The following PPM1M variants were observed in gnomAD, a reference collection of about 807,000 sequenced individuals.
The protein encoded by PPM1M is protein phosphatase 1M.
PPM1M carries 44 observed loss-of-function variants against 50.8 expected under a neutral mutation model. That is an observed-to-expected ratio of 0.87 (90% confidence interval 0.68 to 1.11). The LOEUF (loss-of-function observed/expected upper bound fraction) is 1.11, where lower values mean the gene tolerates loss of function less well. PPM1M is among the 50% of genes most tolerant of loss of function. The probability of loss-of-function intolerance (pLI) is 0.00; values close to 1 mark genes in which losing one functional copy is unlikely to be tolerated. For missense variants in PPM1M, 556 were observed against 593.4 expected (o/e 0.94, Z 0.66); for synonymous variants, 224 against 242.9 (o/e 0.92, Z 0.72).
rs1699886361 is a variant in PPM1M, at chr3:52,247,788, A to G, written c.704A>G (p.Asp235Gly). The change falls in exon 4 of 10, where the codon GAT (aspartate) becomes GGT (glycine). Residue 235 changes from aspartate (D) to glycine (G), a missense_variant. Coordinates refer to ENST00000323588, the MANE Select transcript of PPM1M (RefSeq NM_144641.4). ...AAGCTGTACATGGCCAATGCTGGGGATAGCAGGTGAGTCACCCCTTGGAGG... is the reference window on the plus strand; with the variant it reads ...AAGCTGTACATGGCCAATGCTGGGGGTAGCAGGTGAGTCACCCCTTGGAGG... ...QGKLYMANAG[D>G]SRAILVRRDE... The G allele has an allele frequency of 8.5e-7, 1 of 1,181,322 alleles. No individual in the cohort carries two copies. The highest frequency in any genetic ancestry group is 4.5e-5 in the East Asian group (1 of 22,106). The allele number at this position is 1,181,322 out of a possible 1,614,324, so 73.2% of individuals were successfully genotyped here.
At chr3:52,248,906 T>C (rs926356237) in intron 7 of PPM1M, 50 bp from the exon 8 acceptor site, 17 of 1,435,980 alleles carry the variant, frequency 1.2e-5, no homozygotes, top group Non-Finnish European at 1.5e-5. Flanking sequence ...CTGGTACTTG[T>C]GCATTTGCTG....
chr3:52,247,152 C>A lies in PPM1M; in HGVS notation c.521C>A (p.Pro174His). 6.2e-7 allele frequency: 1 copy of A among 1,612,702 alleles called. No homozygotes were observed. The highest frequency in any genetic ancestry group is 8.5e-7 in the Non-Finnish European group (1 of 1,179,380). The change falls in exon 3 of 10, where the codon CCT becomes CAT. Residue 174 changes from proline (P) to histidine (H), a missense_variant. Transcript: ENST00000323588. ...LNGRCICPSD[P>H]QFVEEKGIRA... The stretch of plus-strand genomic sequence containing the variant: ...GGCCGCTGCATCTGCCCCAGTGACC[C>A]TCAGTTTGTGGAGGAAAAGGGCATC...
Position 52,246,739 on chromosome 3 carries a change from C to A in PPM1M, c.269C>A (p.Ala90Asp). ...EKSEFNEDQA[A>D]CGKLCIRRCE... ...TCTGAATTCAATGAGGATCAAGCCG[C>A]CTGTGGGAAGCTGTGCATCCGGAGA... The change falls in exon 2 of 10, where the codon GCC becomes GAC. Residue 90 changes from alanine to aspartate, a missense_variant. Ala to Asp is a moderately radical substitution (Grantham distance 126, BLOSUM62 -2). Coordinates refer to ENST00000323588, the MANE Select transcript of PPM1M (RefSeq NM_144641.4). 7.5e-7 allele frequency: 1 copy of A among 1,324,826 alleles called. No homozygotes were observed. The allele number at this position is 1,324,826 out of a possible 1,614,324, so 82.1% of individuals were successfully genotyped here.
At position 52,248,661 on chromosome 3, in the gene PPM1M, GGATCTCAAGTACCCACT is replaced by G. The variant is rs749653157; in HGVS notation, c.944_960del (p.Leu315ProfsTer5). 6.2e-7 allele frequency: 1 copy of G among 1,613,862 alleles called. No homozygotes were observed. Among genetic ancestry groups the G allele is most frequent in the Non-Finnish European group, 8.5e-7 (1 of 1,179,844 alleles). ...GGAGCTACAAACGTGTGGAGAAATC[GGATCTCAAGTACCCACT>G]GATCCATGGACAGGGTAGGCAGGTC... On this transcript the variant is annotated frameshift_variant, in exon 7 of 10. Transcript: ENST00000323588. LOFTEE classifies it high-confidence loss of function.
chr3:52,248,098 C>A, intron 4 of PPM1M, 55 bp from the exon 5 acceptor site: 1 of 1,471,442 alleles, frequency 6.8e-7, no homozygotes, highest in Non-Finnish European at 9.3e-7. Context: ...GGAGGGTGGC[C>A]ATGGGTGAGG....
intron 9 of PPM1M, 94 bp downstream of exon 9, chr3:52,249,416 G>A: frequency 6.8e-7 from 1 of 1,475,446 alleles, no homozygotes; most frequent in Non-Finnish European, 9.3e-7. Context: ...CTGACAATGA[G>A]CTGGCAGCTG....
At chr3:52,246,411 T>A in intron 1 of PPM1M, 2 of 1,070,052 alleles carry the variant, frequency 1.9e-6, no homozygotes, top group Non-Finnish European at 2.4e-6. Context: ...GGACAGGGCT[T>A]TGGGCTGCGA....
At chr3:52,246,446 C>T in intron 1 of PPM1M, 15 of 856,344 alleles carry the variant, frequency 1.8e-5, no homozygotes, top group Middle Eastern at 5.1e-4. Context: ...GAATGGCAAC[C>T]TACCCTTACC....
chr3:52,246,920 AG>A, intron 2 of PPM1M, 53 bp from the exon 3 acceptor site: 1 of 1,522,226 alleles, frequency 6.6e-7, no homozygotes, highest in Non-Finnish European at 8.8e-7. Context: ...AGGTTGCGTC[AG>A]GGGACAAGTG....
Position 52,246,612 on chromosome 3 carries a change from T to C in PPM1M, c.225-83T>C. 3.5e-6 allele frequency: 3 copies of C among 862,572 alleles called. No homozygotes were observed. The South Asian group carries it at 4.3e-5, about 12-fold the overall frequency. The allele number at this position is 862,572 out of a possible 1,614,324, so 53.4% of individuals were successfully genotyped here. ...GCTGTTGCCCCAGAGGGAGGGGTCT[T>C]CTCCCTGTGCTGGCTTGGGTCCCTG... On this transcript the variant is annotated intron_variant, in intron 1 of 9. Transcript: ENST00000323588.
At position 52,245,939 on chromosome 3, in the gene PPM1M, GGCTCCA is replaced by G. The variant is rs1315005798; in HGVS notation, c.124_129del (p.Ser42_Ser43del). ...CTACCGACGGCCCCGCTTCCTTCGC[GGCTCCA>G]GCTCCAGCCCCGGGGCGGCCGACGC... On this transcript the variant is annotated inframe_deletion, in exon 1 of 10. Transcript: ENST00000323588. The surrounding 1 kb of genome is among the most constrained non-coding windows in gnomAD (Gnocchi z 4.8). 1 of 1,241,736 alleles carries G rather than the reference GGCTCCA, an allele frequency of 8.1e-7. No homozygotes were observed. The allele number at this position is 1,241,736 out of a possible 1,614,324, so 76.9% of individuals were successfully genotyped here.
At chr3:52,249,403 G>T in intron 9 of PPM1M, 81 bp downstream of exon 9, 2 of 1,514,614 alleles carry the variant, frequency 1.3e-6, no homozygotes, top group Non-Finnish European at 1.8e-6. Flanking sequence ...AGAAGACAGA[G>T]CACTGACAAT....
intron 2 of PPM1M, 21 bp from the exon 3 acceptor site, chr3:52,246,953 C>T (rs1037253816): frequency 8.5e-6 from 13 of 1,530,122 alleles, no homozygotes; most frequent in South Asian, 1.2e-5. Flanking sequence ...CAGAGGCTGA[C>T]ACTGAGCCCT....
Position 52,245,912 on chromosome 3 carries a change from C to A in PPM1M, c.88C>A (p.Pro30Thr). The change falls in exon 1 of 10, where the codon CCC (proline) becomes ACC (threonine). Residue 30 changes from proline (P) to threonine (T), a missense_variant. Transcript: ENST00000323588. The surrounding 1 kb of genome is among the most constrained non-coding windows in gnomAD (Gnocchi z 4.8). ...RPPGPHASPVPYRRPRFLRGS... is the reference protein window; with the variant it reads ...RPPGPHASPVTYRRPRFLRGS... ...GCCTGGGCCGCATGCCAGCCCCGTG[C>A]CCTACCGACGGCCCCGCTTCCTTCG... 1 of 1,229,912 alleles carries A rather than the reference C, an allele frequency of 8.1e-7. No individual in the cohort carries two copies. The highest frequency in any genetic ancestry group is 1.0e-6 in the Non-Finnish European group (1 of 961,334). The allele number at this position is 1,229,912 out of a possible 1,614,324, so 76.2% of individuals were successfully genotyped here.
chr3:52,247,191 TG>T lies in PPM1M; in HGVS notation c.562del (p.Val188Ter). On this transcript the variant is annotated frameshift_variant, in exon 3 of 10. Transcript: ENST00000323588. LOFTEE classifies it high-confidence loss of function. Reference sequence around the variant, plus strand: ...GAAAAGGGCATCAGGGCAGAAGACTTGGTGATCGGGGCATTGGAGAGTGCCT... The same window carrying T: ...GAAAAGGGCATCAGGGCAGAAGACTTGTGATCGGGGCATTGGAGAGTGCCT... The part of the protein sequence containing the change: ...VEEKGIRAED[L>X]VIGALESAFQ... 1 of 1,613,344 alleles carries T rather than the reference TG, an allele frequency of 6.2e-7. No individual in the cohort carries two copies. The highest frequency in any genetic ancestry group is 1.1e-5 in the South Asian group (1 of 90,864).
In PPM1M at chr3:52,246,752, G is replaced by A; in HGVS notation, c.282G>A (p.Leu94=). 7.5e-7 allele frequency: 1 copy of A among 1,334,526 alleles called. No individual in the cohort carries two copies. Among genetic ancestry groups the A allele is most frequent in the Non-Finnish European group, 9.9e-7 (1 of 1,009,066 alleles). 82.7% of individuals were successfully genotyped at this position (1,334,526 alleles called of 1,614,324 possible). A position where few individuals can be genotyped will look rare whatever the true frequency, so the allele number is the denominator to read the frequency against. The change falls in exon 2 of 10, where the codon CTG becomes CTA. Residue 94 remains leucine, a synonymous_variant. Coordinates refer to ENST00000323588, the MANE Select transcript of PPM1M (RefSeq NM_144641.4). The part of the protein sequence containing the change: ...FNEDQAACGK[L]CIRRCEFGAE... ...AGGATCAAGCCGCCTGTGGGAAGCT[G>A]TGCATCCGGAGATGTGAGTTTGGGG...
chr3:52,245,855 C>G lies in PPM1M; in HGVS notation c.31C>G (p.Leu11Val), dbSNP rs1699845716. The change falls in exon 1 of 10, where the codon CTG becomes GTG. Residue 11 changes from leucine (L) to valine (V), a missense_variant. Coordinates refer to ENST00000323588, the MANE Select transcript of PPM1M (RefSeq NM_144641.4). The surrounding 1 kb of genome is among the most constrained non-coding windows in gnomAD (Gnocchi z 4.8). MSAGWFRRRF[L>V]PGEPLPAPRP... Reference sequence around the variant, plus strand: ...CGCCGGCTGGTTCCGGCGCCGCTTCCTGCCTGGGGAGCCGCTCCCCGCGCC... The same window carrying G: ...CGCCGGCTGGTTCCGGCGCCGCTTCGTGCCTGGGGAGCCGCTCCCCGCGCC... 9.2e-7 allele frequency: 1 copy of G among 1,085,016 alleles called. No individual in the cohort carries two copies. Among genetic ancestry groups the G allele is most frequent in the Non-Finnish European group, 1.1e-6 (1 of 884,934 alleles). 67.2% of individuals were successfully genotyped at this position (1,085,016 alleles called of 1,614,324 possible). A position where few individuals can be genotyped will look rare whatever the true frequency, so the allele number is the denominator to read the frequency against.
chr3:52,249,378 A>C, intron 9 of PPM1M, 56 bp downstream of exon 9: 1 of 1,549,756 alleles, frequency 6.5e-7, no homozygotes, highest in Non-Finnish European at 8.7e-7. Context: ...CAGCAAGCCC[A>C]AGTAGTTATG....
rs1181926774 is a variant in PPM1M, at chr3:52,245,960, G to C, written c.136G>C (p.Ala46Pro). The C allele has an allele frequency of 3.2e-6, 4 of 1,248,976 alleles. No homozygotes were observed. Among genetic ancestry groups the C allele is most frequent in the African/African-American group, 3.2e-5 (2 of 61,882 alleles). 77.4% of individuals were successfully genotyped at this position (1,248,976 alleles called of 1,614,324 possible). ...FLRGSSSSPGAADASRRPDSR... is the reference protein window; with the variant it reads ...FLRGSSSSPGPADASRRPDSR... ...TCGCGGCTCCAGCTCCAGCCCCGGG[G>C]CGGCCGACGCCTCGCGCCGCCCAGA... The change falls in exon 1 of 10, where the codon GCG (alanine) becomes CCG (proline). Residue 46 changes from alanine (A) to proline (P), a missense_variant. Transcript: ENST00000323588. The surrounding 1 kb of genome is among the most constrained non-coding windows in gnomAD (Gnocchi z 4.8).
Sources: gnomAD v4.1 joint callset for allele counts on GRCh38, gnomAD v4.1.1 for gene constraint, Gnocchi (gnomAD v3.1) non-coding constraint, MANE v1.5 for transcripts, NCBI Gene and HGNC (gene_info 2026-07-23, HGNC 2026-07-21) for gene names.